Variants in ACVR1B observed in about 807,000 individuals in gnomAD.
ACVR1B encodes the protein activin receptor type-1B.
Under a neutral mutation model 55.6 loss-of-function variants are expected in ACVR1B, and 15 were observed. That is an observed-to-expected ratio of 0.27 (90% CI 0.18 to 0.42). The LOEUF (loss-of-function observed/expected upper bound fraction) is 0.42. Ranked by LOEUF, ACVR1B falls within the 10% of genes least tolerant of loss-of-function variation. The pLI, the probability that ACVR1B is intolerant of heterozygous loss-of-function variation, is 1.00. For synonymous variants in ACVR1B, 247 were observed against 254.6 expected (o/e 0.97, Z 0.28); for missense variants, 359 against 670.1 (o/e 0.54, Z 5.13).
chr12:51,984,248 T>G (rs1331082306), intron 5 of ACVR1B, 82 bp downstream of exon 5: 1 of 1,501,586 alleles, frequency 6.7e-7, no homozygotes. Flanking sequence ...TAGAATTCCT[T>G]TTTACTGAGG....
chr12:51,953,521 A>G (rs1029605585), intron 1 of ACVR1B: 1 of 985,056 alleles, frequency 1.0e-6, no homozygotes, highest in Admixed American at 6.2e-5. Context: ...ATTTGCATGA[A>G]TAAGGATGTT....
At chr12:51,993,918 G>C (rs934169693) in intron 8 of ACVR1B, 67 bp from the exon 9 acceptor site, 17 of 1,587,366 alleles carry the variant, frequency 1.1e-5, no homozygotes, top group Non-Finnish European at 1.4e-5. Flanking sequence ...AAATGAGTGA[G>C]AGCCTAGGGA....
intron 2 of ACVR1B, 72 bp from the exon 3 acceptor site, chr12:51,976,255 G>T: frequency 1.3e-6 from 2 of 1,566,058 alleles, no homozygotes; most frequent in Non-Finnish European, 1.8e-6. Context: ...TCTTCACTTT[G>T]AGGGGGGTGT....
At chr12:51,952,019 G>A (rs919081943) in intron 1 of ACVR1B, among the ~76,000 whole-genome samples, 185 bp downstream of exon 1, 3 of 152,050 alleles carry the variant, frequency 2.0e-5, no homozygotes, top group East Asian at 3.9e-4. Flanking sequence ...GCAGCCGCCC[G>A]GCGGCGACGG....
In ACVR1B at chr12:51,976,496, C is replaced by T; in HGVS notation, c.501C>T (p.Pro167=). ...HNRQRLDMED[P]SCEMCLSKDK... ...GCCAGAGACTGGACATGGAAGATCC[C>T]TCATGTGAGATGTGTCTCTCCAAAG... The change falls in exon 3 of 9, where the codon CCC becomes CCT. Residue 167 remains proline, a synonymous_variant. Transcript: ENST00000257963. 6.2e-7 allele frequency: 1 copy of T among 1,614,106 alleles called. No homozygotes were observed. Among genetic ancestry groups the T allele is most frequent in the Non-Finnish European group, 8.5e-7 (1 of 1,179,986 alleles).
At chr12:51,990,284 ACT>A (rs533591792) in intron 7 of ACVR1B, among the ~76,000 whole-genome samples, 11 of 148,038 alleles carry the variant, frequency 7.4e-5, no homozygotes, top group African/African-American at 1.8e-4. Context: ...CAAGAGTGAA[ACT>A]CACACACACA....
chr12:51,981,570 G>A (rs532718002), intron 4 of ACVR1B, among the ~76,000 whole-genome samples: 3 of 152,242 alleles, frequency 2.0e-5, no homozygotes, highest in Middle Eastern at 3.4e-3. Context: ...GGTGGCTCAC[G>A]CATGTAATGC....
chr12:51,979,994 A>G (rs1030641143), intron 3 of ACVR1B, among the ~76,000 whole-genome samples: 25 of 152,246 alleles, frequency 1.6e-4, no homozygotes, highest in African/African-American at 6.0e-4. Flanking sequence ...GTGGTTCTAT[A>G]CTGTTGTCAT....
In ACVR1B at chr12:51,983,918, T is replaced by C; in HGVS notation, c.812-81T>C. The C allele has an allele frequency of 2.1e-6, 3 of 1,454,952 alleles. No individual in the cohort carries two copies. In the South Asian group the frequency reaches 3.7e-5, roughly 18 times the overall value. The allele number at this position is 1,454,952 out of a possible 1,614,324, so 90.1% of individuals were successfully genotyped here. The stretch of plus-strand genomic sequence containing the variant: ...TCAGGAGTCTAACCTGATTTTGTGT[T>C]GTATACACTCATCCTTACCAACCTT... On this transcript the variant is annotated intron_variant, in intron 4 of 8. Coordinates refer to ENST00000257963, the MANE Select transcript of ACVR1B (RefSeq NM_004302.5).
intron 1 of ACVR1B, among the ~76,000 whole-genome samples, chr12:51,960,583 CTA>C (rs1334342808): frequency 2.0e-5 from 3 of 152,160 alleles, no homozygotes; most frequent in Non-Finnish European, 4.4e-5. Flanking sequence ...ATCATTTACT[CTA>C]TGTAGTTATT....
At chr12:51,972,937 G>T (rs1017239519) in intron 1 of ACVR1B, among the ~76,000 whole-genome samples, 1 of 152,070 alleles carries the variant, frequency 6.6e-6, no homozygotes, top group Non-Finnish European at 1.5e-5. Flanking sequence ...GCCCAGATAG[G>T]CTCAGGGACT....
chr12:51,993,071 T>C (rs879339887), intron 8 of ACVR1B, among the ~76,000 whole-genome samples: 7 of 152,242 alleles, frequency 4.6e-5, no homozygotes, highest in Admixed American at 2.0e-4. Context: ...TACATGTATG[T>C]ATTGTGACAT....
At chr12:51,985,424 CAGG>C (rs1367098834) in intron 6 of ACVR1B, 76 bp downstream of exon 6, 3 of 1,493,706 alleles carry the variant, frequency 2.0e-6, no homozygotes, top group African/African-American at 1.4e-5. Context: ...CCCATATGCG[CAGG>C]AGAAGGAGGT....
At chr12:51,992,894 T>C (rs1007051437) in intron 8 of ACVR1B, among the ~76,000 whole-genome samples, 10 of 152,362 alleles carry the variant, frequency 6.6e-5, no homozygotes, top group African/African-American at 1.9e-4. Flanking sequence ...CATGGAATTC[T>C]AGGGTCTTAA....
At chr12:51,953,556 T>A in intron 1 of ACVR1B, 4 of 984,092 alleles carry the variant, frequency 4.1e-6, no homozygotes, top group Non-Finnish European at 4.8e-6. Flanking sequence ...AAGGGCCATG[T>A]TTTTGGAATG....
rs117618850 is a variant in ACVR1B, at chr12:51,970,475, G to A, written c.92-4790G>A. Among the ~76,000 whole-genome samples the A allele has an allele frequency of 3.9e-4, 60 of 152,318 alleles. No individual in the cohort carries two copies. In the East Asian group the frequency reaches 0.012, roughly 29 times the overall value. The stretch of plus-strand genomic sequence containing the variant: ...TGAAAACTCTTGATACAATAACACA[G>A]CGTAGCTCTGCACGGTGTTTTCTTA... On this transcript the variant is annotated intron_variant, in intron 1 of 8. Coordinates refer to ENST00000257963, the MANE Select transcript of ACVR1B (RefSeq NM_004302.5).
chr12:51,993,880 A>G, intron 8 of ACVR1B, 105 bp from the exon 9 acceptor site: 1 of 1,432,500 alleles, frequency 7.0e-7, no homozygotes, highest in Admixed American at 2.1e-5. Flanking sequence ...TGGATCTGCC[A>G]GACTGCACTG....
chr12:51,969,800 G>T (rs1402851380), intron 1 of ACVR1B, among the ~76,000 whole-genome samples: 4 of 152,156 alleles, frequency 2.6e-5, no homozygotes, highest in Non-Finnish European at 5.9e-5. Flanking sequence ...AGAAGGGATC[G>T]TGTGTGGCCA....
intron 1 of ACVR1B, among the ~76,000 whole-genome samples, chr12:51,972,316 A>T (rs920518745): frequency 1.3e-5 from 2 of 152,176 alleles, no homozygotes; most frequent in Non-Finnish European, 2.9e-5. Context: ...GTATAACAGC[A>T]TTTTGGTCAG....
Sources: allele counts gnomAD v4.1 joint callset (sites outside exome capture counted in the v4.1 genomes callset), GRCh38; gene constraint gnomAD v4.1.1; transcripts MANE v1.5; gene names NCBI Gene and HGNC (gene_info 2026-07-23, HGNC 2026-07-21).